CMSS1: variants seen among roughly 807,000 people sequenced by gnomAD.
CMSS1 encodes protein CMSS1.
A neutral mutation model predicts 43.5 loss-of-function variants in CMSS1; 33 were observed. The observed-to-expected ratio is 0.76, with a 90% CI of 0.57 to 1.01. The LOEUF is 1.01. Among genes scored for constraint, CMSS1 ranks in the 50% least tolerant of loss-of-function variants. CMSS1 has a pLI of 0.00. For missense variants in CMSS1, 313 were observed against 326.4 expected (o/e 0.96, Z 0.32); for synonymous variants, 115 against 117.2 (o/e 0.98, Z 0.12).
intron 1 of CMSS1, among the ~76,000 whole-genome samples, chr3:100,144,943 A>G (rs1047384024): frequency 3.4e-4 from 51 of 152,238 alleles, no homozygotes; most frequent in African/African-American, 1.2e-3. Flanking sequence ...TTTTTTAAAT[A>G]TGTAATGTCT....
At chr3:100,048,097 A>G (rs2065307051) in intron 1 of CMSS1, among the ~76,000 whole-genome samples, 1 of 152,216 alleles carries the variant, frequency 6.6e-6, no homozygotes, top group Non-Finnish European at 1.5e-5. Context: ...CCACAATCCA[A>G]GTCCACTTGT....
At chr3:100,009,412 A>G (rs1710079198) in intron 1 of CMSS1, among the ~76,000 whole-genome samples, 1 of 152,214 alleles carries the variant, frequency 6.6e-6, no homozygotes, top group Admixed American at 6.5e-5. Context: ...CCTGTTAGCA[A>G]CCTGAGCAGT....
At chr3:100,038,537 A>G (rs1192272140) in intron 1 of CMSS1, among the ~76,000 whole-genome samples, 1 of 152,226 alleles carries the variant, frequency 6.6e-6, no homozygotes, top group African/African-American at 2.4e-5. Context: ...ATTAACAAAC[A>G]TTGTAATTGC....
At chr3:99,872,251 G>A (rs1221321489) in intron 1 of CMSS1, among the ~76,000 whole-genome samples, 2 of 141,166 alleles carry the variant, frequency 1.4e-5, no homozygotes, top group African/African-American at 5.3e-5. Context: ...AAAATTCTGT[G>A]GATATTCTGT....
At chr3:99,950,057 G>A (rs1036979133) in intron 1 of CMSS1, among the ~76,000 whole-genome samples, 9 of 152,080 alleles carry the variant, frequency 5.9e-5, no homozygotes, top group Non-Finnish European at 1.0e-4. Context: ...AGGAGGATTG[G>A]GGACAAGGTC....
intron 1 of CMSS1, among the ~76,000 whole-genome samples, chr3:99,854,459 A>G (rs1426860874): frequency 6.6e-6 from 1 of 152,166 alleles, no homozygotes; most frequent in Non-Finnish European, 1.5e-5. Context: ...TTCATTCCCT[A>G]AGAGCTGTGT....
intron 1 of CMSS1, among the ~76,000 whole-genome samples, chr3:100,122,419 C>T (rs774807870): frequency 1.6e-4 from 24 of 152,226 alleles, no homozygotes; most frequent in Non-Finnish European, 2.5e-4. Context: ...ACCCAGGGTA[C>T]TTCTTAGTTT....
intron 1 of CMSS1, among the ~76,000 whole-genome samples, chr3:99,839,636 C>G (rs1000619096): frequency 3.9e-5 from 6 of 152,156 alleles, no homozygotes; most frequent in Admixed American, 2.6e-4. Context: ...ATGGAAAGCT[C>G]TAGTTGACCT....
intron 1 of CMSS1, among the ~76,000 whole-genome samples, chr3:99,851,935 G>T (rs1490457419): frequency 1.3e-5 from 2 of 152,148 alleles, no homozygotes; most frequent in Non-Finnish European, 2.9e-5. Flanking sequence ...CATGCGGTTT[G>T]GTAGGAAAGT....
At chr3:99,956,756 A>C (rs1246102120) in intron 1 of CMSS1, among the ~76,000 whole-genome samples, 1 of 152,012 alleles carries the variant, frequency 6.6e-6, no homozygotes, top group Non-Finnish European at 1.5e-5. Flanking sequence ...TTCTTTTTCC[A>C]CAACTTTATA....
chr3:100,093,432 C>CA (rs966870383), intron 1 of CMSS1, among the ~76,000 whole-genome samples: 9 of 152,082 alleles, frequency 5.9e-5, no homozygotes, highest in East Asian at 5.8e-4. Context: ...ATTTTTCTTA[C>CA]AAAAAATATA....
intron 1 of CMSS1, among the ~76,000 whole-genome samples, chr3:99,904,253 G>A (rs1166468817): frequency 2.0e-5 from 3 of 152,314 alleles, no homozygotes; most frequent in African/African-American, 7.2e-5. Flanking sequence ...ATTAGAATGT[G>A]CTTATTTTAT....
intron 1 of CMSS1, chr3:99,833,371 A>C: frequency 2.3e-6 from 2 of 865,862 alleles, no homozygotes; most frequent in Non-Finnish European, 3.7e-6. Flanking sequence ...AATCTAGAAG[A>C]CTCCCTGGTT....
chr3:100,153,913 C>T (rs184738033), intron 2 of CMSS1, among the ~76,000 whole-genome samples: 19 of 151,260 alleles, frequency 1.3e-4, no homozygotes, highest in African/African-American at 2.4e-4. Context: ...TGCAATGACG[C>T]GATCTCAGCT....
chr3:99,859,759 T>C (rs2107550790), intron 1 of CMSS1, among the ~76,000 whole-genome samples: 1 of 79,014 alleles, frequency 1.3e-5, no homozygotes. Flanking sequence ...GAAAGCTTCT[T>C]TATTTGAGAT....
At chr3:100,083,351 C>T (rs1360604488) in intron 1 of CMSS1, among the ~76,000 whole-genome samples, 2 of 152,226 alleles carry the variant, frequency 1.3e-5, no homozygotes, top group Non-Finnish European at 2.9e-5. Context: ...TTGTGTGGAA[C>T]AGCAGCATCA....
At chr3:99,947,322 A>G (rs1034050132) in intron 1 of CMSS1, among the ~76,000 whole-genome samples, 4 of 152,186 alleles carry the variant, frequency 2.6e-5, no homozygotes, top group Non-Finnish European at 5.9e-5. Flanking sequence ...TGTTTAGGGA[A>G]CATTAGCTAT....
chr3:99,831,815 T>C (rs1055789493), intron 1 of CMSS1, among the ~76,000 whole-genome samples: 5 of 152,242 alleles, frequency 3.3e-5, no homozygotes, highest in Admixed American at 2.0e-4. Context: ...CTCAGAGTGA[T>C]TTCTTCAACT....
chr3:100,111,627 A>G (rs1220046044), intron 1 of CMSS1, among the ~76,000 whole-genome samples: 2 of 152,080 alleles, frequency 1.3e-5, no homozygotes, highest in African/African-American at 4.8e-5. Context: ...ATTGACCATC[A>G]GATTAAACAG....
Sources: gnomAD v4.1 joint callset for allele counts (sites outside exome capture counted in the v4.1 genomes callset) on GRCh38, gnomAD v4.1.1 for gene constraint, MANE v1.5 for transcripts, NCBI Gene and HGNC (gene_info 2026-07-23, HGNC 2026-07-21) for gene names.